FANCA: variants seen among roughly 807,000 people sequenced by gnomAD.
FANCA encodes FA complementation group A, also known as Fanconi anemia group A protein.
Under a neutral mutation model 194.3 loss-of-function variants are expected in FANCA, and 236 were observed. The observed-to-expected ratio is 1.21, with a 90% CI of 1.09 to 1.35. FANCA has a LOEUF of 1.35. Among genes scored for constraint, FANCA ranks in the 40% most tolerant of loss-of-function variants. The pLI is 0.00. For synonymous variants in FANCA, 1,014 were observed against 715.8 expected, an observed-to-expected ratio of 1.42 and a Z score of -6.65; for missense variants, 2,628 against 1,813.9, an observed-to-expected ratio of 1.45 and a Z score of -8.15.
Position 89,811,128 on chromosome 16 carries a change from C to G in FANCA, c.284-57G>C, listed in dbSNP as rs2040863483. 2.5e-6 allele frequency: 4 copies of G among 1,610,800 alleles called. No individual in the cohort carries two copies. In the Admixed American group the frequency reaches 6.7e-5, roughly 27 times the overall value. On this transcript the variant is annotated intron_variant, in intron 3 of 42. Transcript: ENST00000389301. ...TTAACACATGAGACAAAATCTAAAA[C>G]CAAAGACTTGCTGTTTAAAATGCCT...
At position 89,814,428 on chromosome 16, in the gene FANCA, A is replaced by G. The variant is rs2041021252; in HGVS notation, c.283+92T>C. On this transcript the variant is annotated intron_variant, in intron 3 of 42. Transcript: ENST00000389301. The stretch of plus-strand genomic sequence containing the variant: ...ACCAGTGGAAACCCATCGCCTGAGA[A>G]AATTTACATTTCTACTTAATTTAGC... 1.7e-5 allele frequency: 17 copies of G among 1,019,942 alleles called. No individual in the cohort carries two copies. The South Asian group carries it at 2.2e-4, about 13-fold the overall frequency. The allele number at this position is 1,019,942 out of a possible 1,614,324, so 63.2% of individuals were successfully genotyped here. A position where few individuals can be genotyped will look rare whatever the true frequency, so the allele number is the denominator to read the frequency against.
At chr16:89,775,060 G>T (rs913636761) in intron 21 of FANCA, among the ~76,000 whole-genome samples, 3 of 151,548 alleles carry the variant, frequency 2.0e-5, no homozygotes, top group African/African-American at 7.3e-5. Flanking sequence ...CGCCACTGCA[G>T]TCCACAGCCA....
chr16:89,781,311 C>A (rs1406493783), intron 17 of FANCA, among the ~76,000 whole-genome samples: 1 of 134,848 alleles, frequency 7.4e-6, no homozygotes, highest in South Asian at 2.4e-4. Context: ...TTGCAGTGAG[C>A]TGAGACTGCG....
intron 8 of FANCA, among the ~76,000 whole-genome samples, chr16:89,800,916 C>G (rs2143595579): frequency 6.6e-6 from 1 of 151,524 alleles, no homozygotes; most frequent in East Asian, 1.9e-4. Flanking sequence ...GTCTATAGTC[C>G]CAGCTACTCG....
At chr16:89,807,313 C>CG (rs1266644740) in intron 6 of FANCA, among the ~76,000 whole-genome samples, 1 of 151,518 alleles carries the variant, frequency 6.6e-6, no homozygotes, top group African/African-American at 2.4e-5. Context: ...AAAAATTAGC[C>CG]GGGTGTGGTG....
At chr16:89,748,573 C>T in intron 33 of FANCA, 86 bp downstream of exon 33, 3 of 1,012,382 alleles carry the variant, frequency 3.0e-6, no homozygotes, top group Non-Finnish European at 4.6e-6. Flanking sequence ...TTCACACGGT[C>T]AGTACACGCA....
At chr16:89,782,969 G>T (rs896514003) in intron 16 of FANCA, 38 bp downstream of exon 16, 1 of 1,611,934 alleles carries the variant, frequency 6.2e-7, no homozygotes, top group South Asian at 1.1e-5. Context: ...GTTTCTGCTG[G>T]GACAGGTGTG....
intron 20 of FANCA, chr16:89,778,214 G>C (rs1178666503): frequency 6.4e-6 from 1 of 157,388 alleles, no homozygotes; most frequent in Non-Finnish European, 1.4e-5. Flanking sequence ...TGTAATCCCA[G>C]CACTCTGTGA....
rs75774327 is a variant in FANCA, at chr16:89,741,547, A to G, written c.3766-681T>C. Among the ~76,000 whole-genome samples, 231 of 152,216 alleles carry G rather than the reference A, an allele frequency of 1.5e-3. 2 individuals are homozygous for G. Among genetic ancestry groups the G allele is most frequent in the African/African-American group, 5.2e-3 (216 of 41,530 alleles). On this transcript the variant is annotated intron_variant, in intron 37 of 42. Transcript: ENST00000389301. ...GCTTGTTTCTGTTCCTGTTCTGCAC[A>G]CACCACCCTTGGCTCCCTGCACAGA...
At chr16:89,753,846 G>A (rs1261248158) in intron 30 of FANCA, among the ~76,000 whole-genome samples, 1 of 152,170 alleles carries the variant, frequency 6.6e-6, no homozygotes, top group Non-Finnish European at 1.5e-5. Flanking sequence ...TCTGAGGTCA[G>A]GAGATCGAGA....
In FANCA at chr16:89,742,819, A is replaced by G. The variant is rs753316789; in HGVS notation, c.3746T>C (p.Leu1249Pro). 3.7e-6 allele frequency: 6 copies of G among 1,614,198 alleles called. No individual in the cohort carries two copies. Among genetic ancestry groups the G allele is most frequent in the Non-Finnish European group, 2.5e-6 (3 of 1,180,032 alleles). ...TCTTGCCTCCTCTCTCTCGCAGTCC[A>G]GCTTCTTTAGCTGCTTCCTGATGTT... ...EENIRKQLKK[L>P]DCEREELLVF... The change falls in exon 37 of 43, where the codon CTG becomes CCG. Residue 1249 changes from leucine to proline, a missense_variant. Leu to Pro is a moderately conservative substitution (Grantham distance 98). Transcript: ENST00000389301.
intron 30 of FANCA, among the ~76,000 whole-genome samples, chr16:89,758,311 C>A (rs1204259901): frequency 6.6e-6 from 1 of 152,208 alleles, no homozygotes; most frequent in African/African-American, 2.4e-5. Context: ...ATTCTTAGAA[C>A]TACCATGATT....
At position 89,782,872 on chromosome 16, in the gene FANCA, C is replaced by T; in HGVS notation, c.1613G>A (p.Gly538Glu). ...AAGCAACATTACCTCAGTAATGTCC[C>T]CAGCTGATGACAAATCCTCGTAGAG... ...MGLYEDLSSA[G>E]DITEPHSQAL... Residue 538 changes from glycine (G) to glutamate (E), a missense_variant, in exon 17 of 43, where the codon GGG becomes GAG. Gly to Glu is a moderately conservative substitution (Grantham distance 98). Coordinates refer to ENST00000389301, the MANE Select transcript of FANCA (RefSeq NM_000135.4). The T allele has an allele frequency of 3.1e-6, 5 of 1,614,016 alleles. No homozygotes were observed. Among genetic ancestry groups the T allele is most frequent in the Non-Finnish European group, 4.2e-6 (5 of 1,179,886 alleles).
intron 11 of FANCA, among the ~76,000 whole-genome samples, chr16:89,793,059 T>A (rs1350348813): frequency 6.6e-6 from 1 of 152,166 alleles, no homozygotes; most frequent in Non-Finnish European, 1.5e-5. Context: ...AAGCACAGCA[T>A]CACAGGGAGA....
chr16:89,776,734 G>C (rs759940137), intron 20 of FANCA, among the ~76,000 whole-genome samples: 8 of 152,058 alleles, frequency 5.3e-5, no homozygotes, highest in Admixed American at 1.3e-4. Context: ...GGTAGGCTGA[G>C]GTGGGAGAAT....
intron 21 of FANCA, among the ~76,000 whole-genome samples, chr16:89,775,489 A>G (rs1319666388): frequency 3.9e-5 from 6 of 152,228 alleles, no homozygotes; most frequent in African/African-American, 4.8e-5. Context: ...GACGAGTGAC[A>G]AAGTGGGGCT....
In FANCA at chr16:89,762,075, C is replaced by T. The variant is rs17233239; in HGVS notation, c.2779-53G>A. On this transcript the variant is annotated intron_variant, in intron 28 of 42. Transcript: ENST00000389301. Reference sequence around the variant, plus strand: ...CAATGAGGACAGAACACACAATCCACCGACAGGTTTATAAACCAGTTTGTC... The same window carrying T: ...CAATGAGGACAGAACACACAATCCATCGACAGGTTTATAAACCAGTTTGTC... 0.013 allele frequency: 18,432 copies of T among 1,405,416 alleles called. 452 individuals are homozygous for T. Among genetic ancestry groups the T allele is most frequent in the South Asian group, 0.082 (7,114 of 86,964 alleles). 87.1% of individuals were successfully genotyped at this position (1,405,416 alleles called of 1,614,324 possible).
At chr16:89,801,476 A>C (rs985574248) in intron 8 of FANCA, among the ~76,000 whole-genome samples, 1 of 152,232 alleles carries the variant, frequency 6.6e-6, no homozygotes, top group African/African-American at 2.4e-5. Flanking sequence ...GCTGGTGAGA[A>C]TGCAAACAGA....
chr16:89,751,126 C>T (rs2038573934), intron 31 of FANCA, among the ~76,000 whole-genome samples: 2 of 152,160 alleles, frequency 1.3e-5, no homozygotes, highest in Non-Finnish European at 2.9e-5. Context: ...CCCCTGACCT[C>T]AAGTGATCTA....
Sources: gnomAD v4.1 joint callset for allele counts (sites outside exome capture counted in the v4.1 genomes callset) on GRCh38, gnomAD v4.1.1 for gene constraint, MANE v1.5 for transcripts, NCBI Gene and HGNC (gene_info 2026-07-23, HGNC 2026-07-21) for gene names.